Variants in TMEM132E observed in about 807,000 individuals in gnomAD.
TMEM132E encodes the protein transmembrane protein 132E.
In TMEM132E, 49 loss-of-function variants were observed where a neutral mutation model predicts 78.5. The observed-to-expected ratio is 0.62, with a 90% CI of 0.50 to 0.79. TMEM132E has a LOEUF of 0.79. TMEM132E is among the 30% of genes least tolerant of loss of function. TMEM132E has a pLI of 0.00. For synonymous variants in TMEM132E, 715 were observed against 670.6 expected, an observed-to-expected ratio of 1.07 and a Z score of -1.02; for missense variants, 1,403 against 1,470.9, an observed-to-expected ratio of 0.95 and a Z score of 0.75.
At position 34,580,745 on chromosome 17, in the gene TMEM132E, G is replaced by C. The variant is rs1597672050; in HGVS notation, c.-332G>C. The stretch of plus-strand genomic sequence containing the variant: ...CGGGAGATTCAGCACTGGGCTCTAG[G>C]TAGCCCCCGGGACGCCCGCGGCCAC... On this transcript the variant is annotated 5_prime_UTR_variant, in exon 1 of 9. Transcript: ENST00000631683. The C allele has an allele frequency of 3.5e-6, 1 of 286,406 alleles. No individual in the cohort carries two copies. Among genetic ancestry groups the C allele is most frequent in the East Asian group, 6.3e-5 (1 of 15,812 alleles). The allele number at this position is 286,406 out of a possible 1,614,324, so 17.7% of individuals were successfully genotyped here. A position where few individuals can be genotyped will look rare whatever the true frequency, so the allele number is the denominator to read the frequency against.
chr17:34,601,099 G>A (rs1441602094), intron 1 of TMEM132E, among the ~76,000 whole-genome samples: 1 of 152,164 alleles, frequency 6.6e-6, no homozygotes, highest in Non-Finnish European at 1.5e-5. Flanking sequence ...CCCAGGGGGT[G>A]CAGTTTTCAG....
At chr17:34,588,084 C>T (rs1182867452) in intron 1 of TMEM132E, among the ~76,000 whole-genome samples, 1 of 152,188 alleles carries the variant, frequency 6.6e-6, no homozygotes, top group Admixed American at 6.5e-5. Flanking sequence ...CCTTTCTCTT[C>T]CCTTGCCCTC....
intron 2 of TMEM132E, 140 bp from the exon 3 acceptor site, chr17:34,628,423 C>T: frequency 1.0e-6 from 1 of 973,600 alleles, no homozygotes. Context: ...CTGAAACATT[C>T]ATCTGAAACA....
intron 1 of TMEM132E, chr17:34,614,535 C>G (rs532120859): frequency 8.5e-5 from 13 of 152,154 alleles, no homozygotes; most frequent in Non-Finnish European, 1.6e-4. Context: ...TGTCTCTGGT[C>G]CTGATCCTGA....
chr17:34,589,880 G>A (rs886752639), intron 1 of TMEM132E, among the ~76,000 whole-genome samples: 7 of 152,174 alleles, frequency 4.6e-5, no homozygotes, highest in African/African-American at 1.4e-4. Flanking sequence ...TTTTCCAAAA[G>A]CAAGGAACTA....
intron 3 of TMEM132E, 82 bp downstream of exon 3, chr17:34,628,791 TA>T: frequency 6.8e-7 from 1 of 1,465,804 alleles, no homozygotes; most frequent in Non-Finnish European, 9.0e-7. Flanking sequence ...AGGAGGAGGC[TA>T]GGCTTGGGGA....
At chr17:34,600,930 A>C (rs1171111579) in intron 1 of TMEM132E, among the ~76,000 whole-genome samples, 1 of 152,204 alleles carries the variant, frequency 6.6e-6, no homozygotes, top group African/African-American at 2.4e-5. Flanking sequence ...GGCCCTCGCC[A>C]GCTCACGGCA....
chr17:34,621,552 T>C (rs1048048193), intron 1 of TMEM132E, among the ~76,000 whole-genome samples: 21 of 152,154 alleles, frequency 1.4e-4, no homozygotes, highest in African/African-American at 4.8e-4. Flanking sequence ...CACCCCATCA[T>C]AAGTCAGAGG....
intron 1 of TMEM132E, among the ~76,000 whole-genome samples, chr17:34,591,332 T>A (rs1168121741): frequency 1.4e-5 from 2 of 144,960 alleles, no homozygotes; most frequent in Non-Finnish European, 3.0e-5. Context: ...AAAGACAAAG[T>A]CTTGCTCTGT....
Position 34,586,886 on chromosome 17 carries a change from C to CA in TMEM132E, c.67+5748dup, listed in dbSNP as rs544461503. Among the ~76,000 whole-genome samples, 978 of 152,244 alleles carry CA rather than the reference C, an allele frequency of 6.4e-3. 4 individuals carry two copies. Among genetic ancestry groups the CA allele is most frequent in the Non-Finnish European group, 9.8e-3 (664 of 68,018 alleles). The stretch of plus-strand genomic sequence containing the variant: ...AATTATCTAGGACATTACCTGCCCT[C>CA]AAAAAGTTCTGCTTTTTATCAAACT... On this transcript the variant is annotated intron_variant, in intron 1 of 8. Coordinates refer to ENST00000631683, the MANE Select transcript of TMEM132E (RefSeq NM_001304438.2).
chr17:34,600,453 G>GTGTA (rs1906200770), intron 1 of TMEM132E, among the ~76,000 whole-genome samples: 1 of 151,938 alleles, frequency 6.6e-6, no homozygotes, highest in South Asian at 2.1e-4. Flanking sequence ...GTGTGTGTGT[G>GTGTA]TGTGTGTGTG....
At position 34,638,210 on chromosome 17, in the gene TMEM132E, G is replaced by A. The variant is rs1030647229; in HGVS notation, c.3203G>A (p.Arg1068His). The change falls in exon 9 of 9, where the codon CGC becomes CAC. Residue 1068 changes from arginine to histidine, a missense_variant. Around this residue, in one of 3 missense-constraint regions of TMEM132E, gnomAD observed 888 missense variants for 952.8 expected, o/e 0.93. Transcript: ENST00000631683. ...TAPPDLHNYM[R>H]RIKEIA is the part of the protein sequence containing the mutation. ...CCCCCGGACCTGCACAATTACATGCGCAGAATCAAAGAGATTGCATAGAGG... is the reference window on the plus strand; with the variant it reads ...CCCCCGGACCTGCACAATTACATGCACAGAATCAAAGAGATTGCATAGAGG... 1.3e-6 allele frequency: 2 copies of A among 1,598,466 alleles called. No individual in the cohort carries two copies. The highest frequency in any genetic ancestry group is 1.1e-5 in the South Asian group (1 of 88,632).
Position 34,636,323 on chromosome 17 carries a change from C to T in TMEM132E, c.2169+125C>T, listed in dbSNP as rs904284159. The T allele has an allele frequency of 9.0e-6, 9 of 998,876 alleles. No individual in the cohort carries two copies. In the African/African-American group the frequency reaches 1.5e-4, roughly 17 times the overall value. The allele number at this position is 998,876 out of a possible 1,614,324, so 61.9% of individuals were successfully genotyped here. Reference sequence around the variant, plus strand: ...CTTTAGGAAATGGAGGATCTCTGCCCTCCATGCCCTGCACAACTGCCCACC... The same window carrying T: ...CTTTAGGAAATGGAGGATCTCTGCCTTCCATGCCCTGCACAACTGCCCACC... On this transcript the variant is annotated intron_variant, in intron 8 of 8. Coordinates refer to ENST00000631683, the MANE Select transcript of TMEM132E (RefSeq NM_001304438.2).
intron 1 of TMEM132E, among the ~76,000 whole-genome samples, chr17:34,604,737 T>G (rs1382500095): frequency 1.3e-5 from 2 of 152,210 alleles, no homozygotes; most frequent in African/African-American, 4.8e-5. Flanking sequence ...AGGGAAAGAA[T>G]GCATTTTGAG....
At chr17:34,583,020 G>T (rs1219557249) in intron 1 of TMEM132E, among the ~76,000 whole-genome samples, 1 of 152,252 alleles carries the variant, frequency 6.6e-6, no homozygotes, top group African/African-American at 2.4e-5. Flanking sequence ...CTAAGACGCA[G>T]TTCCAGCTGG....
At chr17:34,630,755 T>G (rs1471569314) in intron 5 of TMEM132E, among the ~76,000 whole-genome samples, 2 of 152,094 alleles carry the variant, frequency 1.3e-5, no homozygotes. Flanking sequence ...CTCCAACTCC[T>G]AAAGGCTCCT....
intron 1 of TMEM132E, among the ~76,000 whole-genome samples, chr17:34,585,296 A>C (rs1905629587): frequency 6.6e-6 from 1 of 152,212 alleles, no homozygotes; most frequent in Non-Finnish European, 1.5e-5. Flanking sequence ...GGTGTCTCCT[A>C]GGCCCTTGCC....
Position 34,586,814 on chromosome 17 carries a change from A to T in TMEM132E, c.67+5671A>T, listed in dbSNP as rs1166224070. Among the ~76,000 whole-genome samples, 4 of 152,330 alleles carry T rather than the reference A, an allele frequency of 2.6e-5. No individual in the cohort carries two copies. In the East Asian group the frequency reaches 7.7e-4, roughly 29 times the overall value. On this transcript the variant is annotated intron_variant, in intron 1 of 8. Coordinates refer to ENST00000631683, the MANE Select transcript of TMEM132E (RefSeq NM_001304438.2). Reference sequence around the variant, plus strand: ...AGGATGAATAATTCAATGCAAAAAAAAAAAGGGAAGTAGAAAAGATAATTG... The same window carrying T: ...AGGATGAATAATTCAATGCAAAAAATAAAAGGGAAGTAGAAAAGATAATTG...
At chr17:34,621,625 C>A (rs1287693523) in intron 1 of TMEM132E, among the ~76,000 whole-genome samples, 6 of 152,116 alleles carry the variant, frequency 3.9e-5, no homozygotes, top group Non-Finnish European at 7.3e-5. Flanking sequence ...AGGGCCAGAC[C>A]CAAATGACTG....
Sources: allele counts gnomAD v4.1 joint callset (sites outside exome capture counted in the v4.1 genomes callset), GRCh38; gene constraint gnomAD v4.1.1; regional missense constraint gnomAD v4.1.1; transcripts MANE v1.5; gene names NCBI Gene and HGNC (gene_info 2026-07-23, HGNC 2026-07-21).